Variants in PKHD1 observed in about 807,000 individuals in gnomAD.
The protein encoded by PKHD1 is fibrocystin.
In PKHD1, 291 loss-of-function variants were observed where a neutral mutation model predicts 412.0. That is an observed-to-expected ratio of 0.71 (90% confidence interval 0.64 to 0.78). The LOEUF is 0.78. Among genes scored for constraint, PKHD1 ranks in the 30% least tolerant of loss-of-function variants. The pLI is 0.00. For synonymous variants in PKHD1, 1,777 were observed against 1,821.5 expected, an observed-to-expected ratio of 0.98 and a Z score of 0.62; for missense variants, 4,825 against 4,950.7, an observed-to-expected ratio of 0.97 and a Z score of 0.76.
At chr6:51,849,392 T>C (rs1342294976) in intron 49 of PKHD1, among the ~76,000 whole-genome samples, 1 of 152,208 alleles carries the variant, frequency 6.6e-6, no homozygotes, top group Non-Finnish European at 1.5e-5. Context: ...TAATTTATAA[T>C]CCTTTGGGTA....
chr6:51,970,697 C>T (rs1281255522), intron 35 of PKHD1, among the ~76,000 whole-genome samples: 1 of 152,098 alleles, frequency 6.6e-6, no homozygotes, highest in Non-Finnish European at 1.5e-5. Flanking sequence ...GCACACTTAT[C>T]GAGTAGGGTG....
chr6:51,836,808 C>A lies in PKHD1; in HGVS notation c.8108-339G>T, dbSNP rs577222541. Among the ~76,000 whole-genome samples the A allele has an allele frequency of 2.6e-5, 4 of 152,294 alleles. No homozygotes were observed. In the South Asian group the frequency reaches 8.3e-4, roughly 32 times the overall value. ...ACCTCATATCCTATTTTCTCTTCAT[C>A]ATTTTGTAGGCTCAGCTTTTAGAAT... is the stretch of plus-strand genomic sequence containing the variant. On this transcript the variant is annotated intron_variant, in intron 50 of 66. Coordinates refer to ENST00000371117, the MANE Select transcript of PKHD1 (RefSeq NM_138694.4).
At position 51,746,904 on chromosome 6, in the gene PKHD1, A is replaced by C. The variant is rs1785261687; in HGVS notation, c.9830-15T>G. The C allele has an allele frequency of 6.9e-7, 1 of 1,440,096 alleles. No homozygotes were observed. The highest frequency in any genetic ancestry group is 1.4e-5 in the African/African-American group (1 of 70,580). 89.2% of individuals were successfully genotyped at this position (1,440,096 alleles called of 1,614,324 possible). On this transcript the variant is annotated splice_polypyrimidine_tract_variant and intron_variant, in intron 58 of 66. Coordinates refer to ENST00000371117, the MANE Select transcript of PKHD1 (RefSeq NM_138694.4). Reference sequence around the variant, plus strand: ...AAAGGTAACATCTGAAATTTTAAAAATATGTATCATAATATTATATCATAT... The same window carrying C: ...AAAGGTAACATCTGAAATTTTAAAACTATGTATCATAATATTATATCATAT...
intron 37 of PKHD1, among the ~76,000 whole-genome samples, chr6:51,920,121 T>C (rs1784459189): frequency 6.6e-6 from 1 of 152,224 alleles, no homozygotes; most frequent in Non-Finnish European, 1.5e-5. Flanking sequence ...CCTTTATTTC[T>C]TTATCCTGCC....
At chr6:51,923,820 AAGAAGTATAT>A (rs937291600) in intron 37 of PKHD1, among the ~76,000 whole-genome samples, 16 of 152,354 alleles carry the variant, frequency 1.1e-4, no homozygotes, top group African/African-American at 3.8e-4. Flanking sequence ...CTGTTTCAGA[AAGAAGTATAT>A]TCTGCCTTTC....
intron 52 of PKHD1, among the ~76,000 whole-genome samples, chr6:51,820,665 T>C (rs767716759): frequency 1.3e-5 from 2 of 152,248 alleles, no homozygotes; most frequent in East Asian, 1.9e-4. Flanking sequence ...CTGGGACATA[T>C]AAAATGTTAA....
At position 51,622,945 on chromosome 6, in the gene PKHD1, T is replaced by G. The variant is rs1422149543; in HGVS notation, c.11786-3425A>C. 5 of 152,188 alleles carry G rather than the reference T, an allele frequency of 3.3e-5. No individual in the cohort carries two copies. In the East Asian group the frequency reaches 9.6e-4, roughly 29 times the overall value. 9.4% of individuals were successfully genotyped at this position (152,188 alleles called of 1,614,324 possible). On this transcript the variant is annotated intron_variant, in intron 66 of 66. Coordinates refer to ENST00000371117, the MANE Select transcript of PKHD1 (RefSeq NM_138694.4). The stretch of plus-strand genomic sequence containing the variant: ...CATTCCTGTATCTATTACCTATATA[T>G]GATATCTATATCTACCTAATTGGGG...
intron 43 of PKHD1, among the ~76,000 whole-genome samples, chr6:51,887,522 G>T (rs1258179075): frequency 6.6e-6 from 1 of 152,178 alleles, no homozygotes; most frequent in Non-Finnish European, 1.5e-5. Context: ...CACGGGGTCA[G>T]TTTCTCGTGA....
chr6:51,833,703 G>A (rs1419616327), intron 51 of PKHD1, among the ~76,000 whole-genome samples: 2 of 152,132 alleles, frequency 1.3e-5, no homozygotes, highest in African/African-American at 4.8e-5. Context: ...GGGTGATCCA[G>A]ATGACAGTGG....
intron 52 of PKHD1, among the ~76,000 whole-genome samples, chr6:51,812,303 A>T (rs1224387294): frequency 1.3e-5 from 2 of 152,196 alleles, no homozygotes; most frequent in Non-Finnish European, 2.9e-5. Flanking sequence ...AAAGTTTAAG[A>T]AACAAAATAA....
intron 22 of PKHD1, 32 bp downstream of exon 22, chr6:52,050,125 G>A (rs200787641): frequency 4.6e-5 from 74 of 1,610,554 alleles, no homozygotes; most frequent in Non-Finnish European, 6.1e-5. Flanking sequence ...ATTCTTAGGA[G>A]AAGGGACAGG....
Position 51,911,909 on chromosome 6 carries a change from A to C in PKHD1, c.6380T>G (p.Ile2127Ser), listed in dbSNP as rs372932771. Residue 2127 changes from isoleucine to serine, a missense_variant, in exon 39 of 67, where the codon ATT becomes AGT. Physicochemically the swap from Ile to Ser is moderately radical, Grantham distance 142 (BLOSUM62 -2). Transcript: ENST00000371117. Reference sequence around the variant, plus strand: ...GAGCAGAGCCACAGTGGCCTTTAAAATATGGTGCTCTCCAGCCACCCAATT... The same window carrying C: ...GAGCAGAGCCACAGTGGCCTTTAAACTATGGTGCTCTCCAGCCACCCAATT... ...TENWVAGEHH[I>S]LKATVALLSR... 23 of 1,612,114 alleles carry C rather than the reference A, an allele frequency of 1.4e-5. No individual in the cohort carries two copies. The highest frequency in any genetic ancestry group is 1.8e-5 in the Non-Finnish European group (21 of 1,178,642).
intron 35 of PKHD1, among the ~76,000 whole-genome samples, chr6:51,962,460 T>C (rs1043527976): frequency 8.5e-5 from 13 of 152,188 alleles, no homozygotes; most frequent in African/African-American, 3.1e-4. Context: ...AAGCACTTGC[T>C]TATGCCATTT....
chr6:52,008,079 C>T (rs1218999161), intron 35 of PKHD1, among the ~76,000 whole-genome samples: 4 of 152,094 alleles, frequency 2.6e-5, no homozygotes, highest in Non-Finnish European at 5.9e-5. Context: ...CTGAAACCTA[C>T]AATGATGGTA....
intron 46 of PKHD1, 152 bp downstream of exon 46, chr6:51,882,941 T>C: frequency 1.5e-6 from 1 of 680,652 alleles, no homozygotes; most frequent in Non-Finnish European, 2.6e-6. Flanking sequence ...TCACCACTAT[T>C]ACAAATAAAA....
chr6:52,027,996 G>T (rs892631210), intron 30 of PKHD1, 100 bp from the exon 31 acceptor site: 6 of 1,164,480 alleles, frequency 5.2e-6, no homozygotes, highest in Admixed American at 1.7e-5. Context: ...AGAGCAAACT[G>T]TCTGTAAGTT....
chr6:51,637,982 GA>G (rs889471828), intron 64 of PKHD1, among the ~76,000 whole-genome samples: 1 of 152,094 alleles, frequency 6.6e-6, no homozygotes, highest in Admixed American at 6.6e-5. Context: ...TGTCATACTG[GA>G]ACATTTTCAA....
chr6:51,978,483 C>T (rs1372856211), intron 35 of PKHD1, among the ~76,000 whole-genome samples: 4 of 152,114 alleles, frequency 2.6e-5, no homozygotes, highest in Admixed American at 2.6e-4. Flanking sequence ...TGTCACTAGG[C>T]TTTCAACAAA....
At position 51,883,256 on chromosome 6, in the gene PKHD1, G is replaced by C. The variant is rs751530660; in HGVS notation, c.7216-29C>G. On this transcript the variant is annotated intron_variant, in intron 45 of 66. Coordinates refer to ENST00000371117, the MANE Select transcript of PKHD1 (RefSeq NM_138694.4). ...TAAAATACAGCATGTTACAGCAAAG[G>C]TCTGAGGCTTGGTTTTTCTTGCGGA... The C allele has an allele frequency of 2.5e-6, 4 of 1,609,002 alleles. No individual in the cohort carries two copies. In the African/African-American group the frequency reaches 5.3e-5, roughly 22 times the overall value.
Sources: allele counts gnomAD v4.1 joint callset (sites outside exome capture counted in the v4.1 genomes callset), GRCh38; gene constraint gnomAD v4.1.1; transcripts MANE v1.5; gene names NCBI Gene and HGNC (gene_info 2026-07-23, HGNC 2026-07-21).